SPATS1: variants seen among roughly 807,000 people sequenced by gnomAD.
SPATS1 encodes the protein spermatogenesis associated serine rich 1, also known as spermatogenesis-associated serine-rich protein 1.
In SPATS1, 23 loss-of-function variants were observed where a neutral mutation model predicts 33.6. That is an observed-to-expected ratio of 0.68 (90% CI 0.49 to 0.97). The LOEUF is 0.97. SPATS1 is among the 50% of genes least tolerant of loss of function. The pLI, the probability that SPATS1 is intolerant of heterozygous loss-of-function variation, is 0.00. For missense variants in SPATS1, 327 were observed against 361.0 expected, an observed-to-expected ratio of 0.91 and a Z score of 0.76; for synonymous variants, 131 against 125.6, an observed-to-expected ratio of 1.04 and a Z score of -0.29.
intron 2 of SPATS1, among the ~76,000 whole-genome samples, chr6:44,343,759 C>T (rs918138425): frequency 1.3e-5 from 2 of 152,148 alleles, no homozygotes; most frequent in Admixed American, 1.3e-4. Flanking sequence ...TTTGGGGGCA[C>T]GTTTGCCTTT....
chr6:44,347,456 T>C (rs1270882826), intron 2 of SPATS1, among the ~76,000 whole-genome samples: 1 of 152,226 alleles, frequency 6.6e-6, no homozygotes, highest in African/African-American at 2.4e-5. Flanking sequence ...GTTTATAGTT[T>C]GCTATGAAAG....
chr6:44,356,480 C>T (rs753384041), intron 3 of SPATS1, among the ~76,000 whole-genome samples: 9 of 152,314 alleles, frequency 5.9e-5, no homozygotes, highest in Non-Finnish European at 1.0e-4. Flanking sequence ...TAACCTAGAT[C>T]GGTGCCTCTG....
Position 44,377,122 on chromosome 6 carries a change from A to T in SPATS1, c.*59A>T. The T allele has an allele frequency of 6.2e-7, 1 of 1,600,306 alleles. No individual in the cohort carries two copies. The highest frequency in any genetic ancestry group is 1.1e-5 in the South Asian group (1 of 90,774). ...CACTCTGGCGACCCTTTTCCAGTTG[A>T]TGTTTTTTGTCATGTGACTGTTCTA... On this transcript the variant is annotated 3_prime_UTR_variant, in exon 9 of 9. Coordinates refer to ENST00000674044, the MANE Select transcript of SPATS1 (RefSeq NM_001372081.1).
chr6:44,368,414 C>A lies in SPATS1; in HGVS notation c.610C>A (p.Pro204Thr), dbSNP rs576435413. Residue 204 changes from proline to threonine, a missense_variant, in exon 6 of 9, where the codon CCA (proline) becomes ACA (threonine). Coordinates refer to ENST00000674044, the MANE Select transcript of SPATS1 (RefSeq NM_001372081.1). ...DPRNGIPKLT[P>T]GDNPYMYPEQ... The stretch of plus-strand genomic sequence containing the variant: ...CAGGAATGGAATCCCAAAGTTAACT[C>A]CAGGCGACAATCCATATATGTACCC... 1.1e-5 allele frequency: 18 copies of A among 1,613,542 alleles called. No individual in the cohort carries two copies. The Admixed American group carries it at 1.8e-4, about 16-fold the overall frequency.
intron 3 of SPATS1, among the ~76,000 whole-genome samples, chr6:44,358,235 C>T (rs973647777): frequency 2.0e-5 from 3 of 152,238 alleles, no homozygotes; most frequent in East Asian, 1.9e-4. Flanking sequence ...ATATGAGTGA[C>T]GCATTGTTAT....
intron 3 of SPATS1, among the ~76,000 whole-genome samples, chr6:44,356,139 A>C: frequency 6.6e-6 from 1 of 152,178 alleles, no homozygotes; most frequent in East Asian, 1.9e-4. Flanking sequence ...CTCATCACCC[A>C]TCCTTACAAA....
Position 44,379,574 on chromosome 6 carries a change from T to C in SPATS1, c.*2511T>C, listed in dbSNP as rs1583100164. 1.8e-5 allele frequency among the ~76,000 whole-genome samples: 2 copies of C among 111,388 alleles called. No individual in the cohort carries two copies. The highest frequency in any genetic ancestry group is 6.2e-4 in the South Asian group (2 of 3,252). 73.1% of individuals were successfully genotyped at this position (111,388 alleles called of 152,430 possible). The stretch of plus-strand genomic sequence containing the variant: ...AAGATTGTGCCACTGCACTCCAGCC[T>C]GGGCAACAGAGTGAGACTCTGTCTC... On this transcript the variant is annotated 3_prime_UTR_variant, in exon 9 of 9. Transcript: ENST00000674044.
chr6:44,360,597 C>T (rs1382082846), intron 4 of SPATS1, 27 bp downstream of exon 4: 2 of 1,612,882 alleles, frequency 1.2e-6, no homozygotes, highest in Admixed American at 3.3e-5. Flanking sequence ...CCTCCACATG[C>T]TTCTGTGCCC....
intron 7 of SPATS1, among the ~76,000 whole-genome samples, chr6:44,376,122 G>A (rs1789933888): frequency 6.6e-6 from 1 of 152,048 alleles, no homozygotes; most frequent in South Asian, 2.1e-4. Flanking sequence ...AAAAAATGTG[G>A]AAGCACAGAG....
At position 44,343,271 on chromosome 6, in the gene SPATS1, G is replaced by A. The variant is rs374573932; in HGVS notation, c.139+37G>A. On this transcript the variant is annotated intron_variant, in intron 2 of 8. Transcript: ENST00000674044. ...AGAAATCCAGGCTGTGGAGTTGGTG[G>A]CCACATCCAAGTATACTACACCCGG... 1,085 of 1,581,154 alleles carry A rather than the reference G, an allele frequency of 6.9e-4. 1 individual carries two copies. The highest frequency in any genetic ancestry group is 1.2e-3 in the South Asian group (113 of 90,696).
In SPATS1 at chr6:44,379,925, G is replaced by A. The variant is rs1790129168; in HGVS notation, c.*2862G>A. 6.6e-6 allele frequency among the ~76,000 whole-genome samples: 1 copy of A among 152,048 alleles called. No individual in the cohort carries two copies. The highest frequency in any genetic ancestry group is 1.5e-5 in the Non-Finnish European group (1 of 68,028). Reference sequence around the variant, plus strand: ...CTGGTGTTCTCTGTGGGTACATCTCGATGCCCAGGCCTTATTCCACGGCAC... The same window carrying A: ...CTGGTGTTCTCTGTGGGTACATCTCAATGCCCAGGCCTTATTCCACGGCAC... On this transcript the variant is annotated 3_prime_UTR_variant, in exon 9 of 9. Coordinates refer to ENST00000674044, the MANE Select transcript of SPATS1 (RefSeq NM_001372081.1).
chr6:44,363,544 A>G (rs1454306073), intron 5 of SPATS1, among the ~76,000 whole-genome samples: 1 of 152,152 alleles, frequency 6.6e-6, no homozygotes, highest in East Asian at 1.9e-4. Flanking sequence ...TCCTGGCTCA[A>G]AAGTAAACCA....
chr6:44,376,199 G>T (rs971608281), intron 7 of SPATS1, among the ~76,000 whole-genome samples, 159 bp from the exon 8 acceptor site: 3 of 152,126 alleles, frequency 2.0e-5, no homozygotes, highest in Non-Finnish European at 2.9e-5. Context: ...GAGGGTTTGA[G>T]GCAGGAGCAA....
intron 3 of SPATS1, among the ~76,000 whole-genome samples, chr6:44,356,560 A>G (rs1186760482): frequency 6.6e-6 from 1 of 152,194 alleles, no homozygotes; most frequent in African/African-American, 2.4e-5. Context: ...TGAAGGCTCA[A>G]CTGTGGGAGG....
intron 8 of SPATS1, 144 bp downstream of exon 8, chr6:44,376,617 T>C: frequency 7.0e-6 from 4 of 573,952 alleles, no homozygotes; most frequent in Non-Finnish European, 1.2e-5. Flanking sequence ...CTGACCAACA[T>C]GGTGAAACCC....
At chr6:44,343,287 CTA>C in intron 2 of SPATS1, 53 bp downstream of exon 2, 1 of 1,604,586 alleles carries the variant, frequency 6.2e-7, no homozygotes, top group Non-Finnish European at 8.5e-7. Flanking sequence ...TCCAAGTATA[CTA>C]CACCCGGGGG....
At chr6:44,356,242 C>T (rs565318898) in intron 3 of SPATS1, among the ~76,000 whole-genome samples, 5 of 152,236 alleles carry the variant, frequency 3.3e-5, no homozygotes, top group South Asian at 2.1e-4. Context: ...TGTCTCCTGC[C>T]GCTCATCCAA....
intron 3 of SPATS1, among the ~76,000 whole-genome samples, chr6:44,354,201 G>T (rs1788426325): frequency 6.6e-6 from 1 of 151,820 alleles, no homozygotes; most frequent in Admixed American, 6.6e-5. Flanking sequence ...GGGCCTGGGG[G>T]TGTGCACCTG....
At chr6:44,345,993 A>G (rs1039852475) in intron 2 of SPATS1, among the ~76,000 whole-genome samples, 6 of 152,158 alleles carry the variant, frequency 3.9e-5, no homozygotes, top group African/African-American at 1.4e-4. Context: ...CGGTTCTTCA[A>G]TTATTTGGAT....
Sources: allele counts gnomAD v4.1 joint callset (sites outside exome capture counted in the v4.1 genomes callset), GRCh38; gene constraint gnomAD v4.1.1; transcripts MANE v1.5; gene names NCBI Gene and HGNC (gene_info 2026-07-23, HGNC 2026-07-21).